Variants in CWC27 observed in about 807,000 individuals in gnomAD.
The protein encoded by CWC27 is spliceosome-associated protein CWC27 homolog.
In CWC27, 47 loss-of-function variants were observed where a neutral mutation model predicts 63.6. That is an observed-to-expected ratio of 0.74 (90% CI 0.58 to 0.94). The LOEUF is 0.94. Ranked by LOEUF, CWC27 falls within the 40% of genes least tolerant of loss-of-function variation. The probability of loss-of-function intolerance (pLI) is 0.00; values close to 1 mark genes in which losing one functional copy is unlikely to be tolerated. For synonymous variants in CWC27, 175 were observed against 179.8 expected (o/e 0.97, Z 0.22); for missense variants, 495 against 554.3 (o/e 0.89, Z 1.07).
chr5:64,956,166 T>C (rs1355639846), intron 11 of CWC27, among the ~76,000 whole-genome samples: 1 of 152,058 alleles, frequency 6.6e-6, no homozygotes, highest in Admixed American at 6.6e-5. Context: ...TCACAAATAA[T>C]CAATAATTAG....
chr5:65,014,368 T>C (rs1750015851), intron 13 of CWC27, among the ~76,000 whole-genome samples: 1 of 148,506 alleles, frequency 6.7e-6, no homozygotes, highest in Non-Finnish European at 1.5e-5. Flanking sequence ...TATATAACCA[T>C]AGATTTTATA....
chr5:64,830,453 T>G (rs1447651416), intron 10 of CWC27, among the ~76,000 whole-genome samples: 1 of 152,084 alleles, frequency 6.6e-6, no homozygotes, highest in Non-Finnish European at 1.5e-5. Context: ...ACTTAAATGT[T>G]AGACCTAAAA....
At chr5:64,971,656 C>G (rs753960833) in intron 11 of CWC27, 47 bp from the exon 12 acceptor site, 1 of 1,394,144 alleles carries the variant, frequency 7.2e-7, no homozygotes, top group Non-Finnish European at 9.7e-7. Flanking sequence ...TATGAATCCA[C>G]AGAGCTATTT....
chr5:64,769,394 T>G (rs1159169940), intron 1 of CWC27, among the ~76,000 whole-genome samples: 1 of 152,218 alleles, frequency 6.6e-6, no homozygotes, highest in African/African-American at 2.4e-5. Flanking sequence ...AGTGGAGATT[T>G]CTCTACCTAC....
At chr5:65,008,899 A>T (rs1281856144) in intron 13 of CWC27, among the ~76,000 whole-genome samples, 1 of 152,212 alleles carries the variant, frequency 6.6e-6, no homozygotes, top group Non-Finnish European at 1.5e-5. Context: ...CAAATAAGTT[A>T]TATGTGTATG....
chr5:64,997,764 A>G (rs1476535512), intron 13 of CWC27, among the ~76,000 whole-genome samples: 2 of 152,194 alleles, frequency 1.3e-5, no homozygotes, highest in African/African-American at 4.8e-5. Context: ...AGGAACATTC[A>G]TTGTAAATAG....
rs1000790319 is a variant in CWC27, at chr5:64,804,223, C to G, written c.781-6C>G. The stretch of plus-strand genomic sequence containing the variant: ...CCTGGCAAATACTCATTTTCCATTT[C>G]TACAGGATGGAGAAGATGAAAGTGC... On this transcript the variant is annotated splice_region_variant and splice_polypyrimidine_tract_variant and intron_variant, in intron 9 of 13. Coordinates refer to ENST00000381070, the MANE Select transcript of CWC27 (RefSeq NM_005869.4). The G allele has an allele frequency of 1.9e-6, 3 of 1,587,976 alleles. No individual in the cohort carries two copies. In the African/African-American group the frequency reaches 4.1e-5, roughly 22 times the overall value.
chr5:64,797,258 C>T (rs1032168494), intron 7 of CWC27, among the ~76,000 whole-genome samples: 1 of 152,058 alleles, frequency 6.6e-6, no homozygotes, highest in Non-Finnish European at 1.5e-5. Flanking sequence ...TTTAAATTCA[C>T]TGTTACTTGA....
intron 13 of CWC27, among the ~76,000 whole-genome samples, chr5:65,009,448 G>C (rs1168600717): frequency 1.3e-5 from 2 of 152,172 alleles, no homozygotes; most frequent in South Asian, 2.1e-4. Flanking sequence ...CAGTTTATAT[G>C]CAACACATAG....
At chr5:64,855,564 A>T (rs979959048) in intron 10 of CWC27, among the ~76,000 whole-genome samples, 6 of 152,166 alleles carry the variant, frequency 3.9e-5, no homozygotes, top group African/African-American at 1.4e-4. Context: ...ATGAGGAACA[A>T]GTAGAACGTC....
chr5:64,943,711 A>T (rs1054487003), intron 11 of CWC27, among the ~76,000 whole-genome samples: 3 of 152,112 alleles, frequency 2.0e-5, no homozygotes, highest in Admixed American at 6.6e-5. Context: ...ATTTCTTCTC[A>T]TGGTCATAAG....
chr5:64,807,761 AACTC>A, intron 10 of CWC27: 1 of 1,535,906 alleles, frequency 6.5e-7, no homozygotes, highest in Non-Finnish European at 8.7e-7. Context: ...TCACACTTCA[AACTC>A]ACTCAACGGA....
intron 10 of CWC27, among the ~76,000 whole-genome samples, chr5:64,834,204 T>C (rs561886656): frequency 1.7e-3 from 253 of 151,606 alleles, no homozygotes; most frequent in Non-Finnish European, 2.9e-3. Flanking sequence ...CATATCTGTT[T>C]GCGTAATAAG....
chr5:64,974,548 C>G (rs1419083799), intron 12 of CWC27, among the ~76,000 whole-genome samples: 1 of 152,198 alleles, frequency 6.6e-6, no homozygotes, highest in East Asian at 1.9e-4. Flanking sequence ...TTACCTCCCA[C>G]TGGGTCCCTC....
At chr5:64,905,484 T>G (rs1056192344) in intron 11 of CWC27, among the ~76,000 whole-genome samples, 3 of 152,146 alleles carry the variant, frequency 2.0e-5, no homozygotes, top group Admixed American at 2.0e-4. Context: ...GAACTTCTAT[T>G]TCTGTTTATC....
At chr5:64,802,729 T>C (rs979797074) in intron 9 of CWC27, among the ~76,000 whole-genome samples, 2 of 152,150 alleles carry the variant, frequency 1.3e-5, no homozygotes, top group African/African-American at 4.8e-5. Flanking sequence ...AAAGAAAGCA[T>C]AGGGTTGAGG....
At chr5:64,902,994 T>G (rs923786449) in intron 11 of CWC27, among the ~76,000 whole-genome samples, 1 of 152,182 alleles carries the variant, frequency 6.6e-6, no homozygotes, top group African/African-American at 2.4e-5. Context: ...TGGTATTGTC[T>G]TTCGTAATTG....
rs1209291634 is a variant in CWC27 at position 64,790,736 on chromosome 5, A to T, written c.669+1716A>T. On this transcript the variant is annotated intron_variant, in intron 7 of 13. Coordinates refer to ENST00000381070, the MANE Select transcript of CWC27 (RefSeq NM_005869.4). The stretch of plus-strand genomic sequence containing the variant: ...TTTCCATGATAATCTGTCTATGCCC[A>T]TCAAAACATTTATCCTACTGCATTA... Among the ~76,000 whole-genome samples the T allele has an allele frequency of 2.0e-5, 3 of 152,162 alleles. No individual in the cohort carries two copies. The East Asian group carries it at 5.8e-4, about 29-fold the overall frequency.
chr5:64,853,492 A>T (rs1273047416), intron 10 of CWC27, among the ~76,000 whole-genome samples: 1 of 152,212 alleles, frequency 6.6e-6, no homozygotes, highest in Non-Finnish European at 1.5e-5. Context: ...AAAATTTACC[A>T]TCTTAACCAT....
Sources: gnomAD v4.1 joint callset for allele counts (sites outside exome capture counted in the v4.1 genomes callset) on GRCh38, gnomAD v4.1.1 for gene constraint, MANE v1.5 for transcripts, NCBI Gene and HGNC (gene_info 2026-07-23, HGNC 2026-07-21) for gene names.